The following HSF2BP variants were observed in gnomAD, a reference collection of about 807,000 sequenced individuals.
HSF2BP encodes the protein heat shock transcription factor 2 binding protein.
HSF2BP carries 35 observed loss-of-function variants against 35.0 expected under a neutral mutation model. That is an observed-to-expected ratio of 1.00 (90% CI 0.76 to 1.32). The LOEUF (loss-of-function observed/expected upper bound fraction) is 1.32. HSF2BP is among the 40% of genes most tolerant of loss of function. The probability of loss-of-function intolerance (pLI) is 0.00; values close to 1 mark genes in which losing one functional copy is unlikely to be tolerated. For synonymous variants in HSF2BP, 114 were observed against 117.4 expected, an observed-to-expected ratio of 0.97 and a Z score of 0.18; for missense variants, 326 against 321.7, an observed-to-expected ratio of 1.01 and a Z score of -0.10.
intron 7 of HSF2BP, among the ~76,000 whole-genome samples, chr21:43,606,235 G>A (rs1387066744): frequency 6.6e-6 from 1 of 152,170 alleles, no homozygotes; most frequent in East Asian, 1.9e-4. Context: ...CAGGGTGCTG[G>A]AAACCGGGAG....
chr21:43,642,781 G>A (rs1456528368), intron 4 of HSF2BP, among the ~76,000 whole-genome samples: 1 of 148,156 alleles, frequency 6.7e-6, no homozygotes. Context: ...GCATTTACTG[G>A]AATGGCTTCT....
At chr21:43,631,980 T>TC (rs796849763) in intron 5 of HSF2BP, among the ~76,000 whole-genome samples, 1 of 11,032 alleles carries the variant, frequency 9.1e-5, no homozygotes, top group South Asian at 3.5e-3. Flanking sequence ...CCACACACGC[T>TC]CCCCACACAC....
intron 6 of HSF2BP, among the ~76,000 whole-genome samples, chr21:43,621,530 A>C (rs897174861): frequency 6.7e-6 from 1 of 150,148 alleles, no homozygotes; most frequent in Non-Finnish European, 1.5e-5. Context: ...CTGTCTCAGA[A>C]AAAAAAAAAA....
chr21:43,625,370 C>T (rs985296050), intron 6 of HSF2BP, among the ~76,000 whole-genome samples: 3 of 151,974 alleles, frequency 2.0e-5, no homozygotes, highest in Admixed American at 6.6e-5. Context: ...ATAAAAAAAC[C>T]CCAGCTAAAA....
At chr21:43,577,037 G>A (rs868413355) in intron 8 of HSF2BP, among the ~76,000 whole-genome samples, 2 of 152,222 alleles carry the variant, frequency 1.3e-5, no homozygotes, top group East Asian at 3.9e-4. Context: ...TGATGTCAGC[G>A]ACACCATTCT....
intron 6 of HSF2BP, among the ~76,000 whole-genome samples, chr21:43,615,141 T>C (rs1449298284): frequency 6.6e-6 from 1 of 152,208 alleles, no homozygotes; most frequent in Non-Finnish European, 1.5e-5. Context: ...TTTTCTTTAG[T>C]TGGGTCTGAC....
chr21:43,619,569 G>A (rs1222848138), intron 6 of HSF2BP, among the ~76,000 whole-genome samples: 1 of 152,192 alleles, frequency 6.6e-6, no homozygotes, highest in Non-Finnish European at 1.5e-5. Context: ...TTTCATACCT[G>A]TGACACCCGT....
chr21:43,633,316 C>T lies in HSF2BP; in HGVS notation c.397G>A (p.Gly133Ser). ...MGAAACTLLW[G>S]VSSSEEVVKA... ...ACGACTTCCTCACTGCTGGAGACAC[C>T]CCACAAGAGGGTACACGCTGCTGCT... Residue 133 changes from glycine to serine, a missense_variant, in exon 5 of 9, where the codon GGT (glycine) becomes AGT (serine). Transcript: ENST00000291560. The T allele has an allele frequency of 6.2e-7, 1 of 1,613,968 alleles. No individual in the cohort carries two copies. The highest frequency in any genetic ancestry group is 8.5e-7 in the Non-Finnish European group (1 of 1,179,998).
chr21:43,632,147 A>AACT (rs2082477081), intron 5 of HSF2BP, among the ~76,000 whole-genome samples: 2 of 55,418 alleles, frequency 3.6e-5, no homozygotes, highest in African/African-American at 2.1e-4. Flanking sequence ...TCCCACACAC[A>AACT]CACTCACACA....
Position 43,630,357 on chromosome 21 carries a change from C to A in HSF2BP, c.539G>T (p.Ser180Ile). The part of the protein sequence containing the change: ...GDVQELDSDE[S>I]QFVFALAGIV... Reference sequence around the variant, plus strand: ...TCCAGCCAGAGCGAAAACAAACTGACTTTCATCCGAATCCAGCTCCTGGAC... The same window carrying A: ...TCCAGCCAGAGCGAAAACAAACTGAATTTCATCCGAATCCAGCTCCTGGAC... The change falls in exon 6 of 9, where the codon AGT becomes ATT. Residue 180 changes from serine (S) to isoleucine (I), a missense_variant. Physicochemically the swap from Ser to Ile is moderately radical, Grantham distance 142 (BLOSUM62 -2). Transcript: ENST00000291560. 1.9e-6 allele frequency: 3 copies of A among 1,613,090 alleles called. No individual in the cohort carries two copies. The highest frequency in any genetic ancestry group is 2.5e-6 in the Non-Finnish European group (3 of 1,179,678).
intron 4 of HSF2BP, 82 bp downstream of exon 4, chr21:43,644,207 G>C (rs1433870090): frequency 3.2e-6 from 3 of 948,404 alleles, no homozygotes; most frequent in African/African-American, 1.6e-5. Flanking sequence ...AAAAAATTCA[G>C]TCCCACTGCT....
chr21:43,636,898 A>G (rs1453384604), intron 4 of HSF2BP, among the ~76,000 whole-genome samples: 1 of 135,174 alleles, frequency 7.4e-6, no homozygotes, highest in African/African-American at 3.5e-5. Context: ...TCAAAACAAA[A>G]AAAAAAAAAA....
Position 43,587,365 on chromosome 21 carries a change from G to A in HSF2BP, c.796+4860C>T, listed in dbSNP as rs143806203. On this transcript the variant is annotated intron_variant, in intron 8 of 8. Coordinates refer to ENST00000291560, the MANE Select transcript of HSF2BP (RefSeq NM_007031.2). ...TGAAAGAACCAGTAATTATTTTCACGGATAAGAAAGCCTGGGATGGCCAGG... is the reference window on the plus strand; with the variant it reads ...TGAAAGAACCAGTAATTATTTTCACAGATAAGAAAGCCTGGGATGGCCAGG... 2.8e-4 allele frequency among the ~76,000 whole-genome samples: 42 copies of A among 152,192 alleles called. 1 individual carries two copies. In the East Asian group the frequency reaches 7.5e-3, roughly 27 times the overall value.
At chr21:43,646,000 CT>C (rs1270393408) in intron 3 of HSF2BP, among the ~76,000 whole-genome samples, 1 of 152,004 alleles carries the variant, frequency 6.6e-6, no homozygotes, top group African/African-American at 2.4e-5. Context: ...ATAAAATTGG[CT>C]GGCAAAGCTT....
chr21:43,634,927 A>G (rs567420984), intron 4 of HSF2BP, among the ~76,000 whole-genome samples: 45 of 152,338 alleles, frequency 3.0e-4, no homozygotes, highest in Non-Finnish European at 2.9e-5. Flanking sequence ...AGCTGTCTGC[A>G]TCTCAATTAG....
Position 43,613,961 on chromosome 21 carries a change from T to C in HSF2BP, c.575-14A>G. The C allele has an allele frequency of 3.2e-6, 5 of 1,566,590 alleles. No individual in the cohort carries two copies. Among genetic ancestry groups the C allele is most frequent in the Non-Finnish European group, 4.4e-6 (5 of 1,139,688 alleles). On this transcript the variant is annotated splice_polypyrimidine_tract_variant and intron_variant, in intron 6 of 8. Coordinates refer to ENST00000291560, the MANE Select transcript of HSF2BP (RefSeq NM_007031.2). Reference sequence around the variant, plus strand: ...TAGCAGCAACATCTGCAACAGAAAATGAAACAAAACATCAAGATCATTATG... The same window carrying C: ...TAGCAGCAACATCTGCAACAGAAAACGAAACAAAACATCAAGATCATTATG...
Position 43,644,320 on chromosome 21 carries a change from G to GT in HSF2BP, c.259dup (p.Thr87AsnfsTer22), listed in dbSNP as rs777534492. On this transcript the variant is annotated frameshift_variant, in exon 4 of 9. Coordinates refer to ENST00000291560, the MANE Select transcript of HSF2BP (RefSeq NM_007031.2). LOFTEE classifies it high-confidence loss of function. ...CTCTCTTATGTTGTCGGCCTGCACG[G>GT]TTTCCAGGCGGGCTTTAAAGTGCTC... 6.2e-7 allele frequency: 1 copy of GT among 1,614,092 alleles called. No individual in the cohort carries two copies. Among genetic ancestry groups the GT allele is most frequent in the East Asian group, 2.2e-5 (1 of 44,884 alleles).
At chr21:43,658,396 G>C in intron 1 of HSF2BP, 76 bp from the exon 2 acceptor site, 1 of 434,062 alleles carries the variant, frequency 2.3e-6, no homozygotes, top group Non-Finnish European at 4.1e-6. Flanking sequence ...TTCCTGTTTG[G>C]CGAGGAATGC....
At chr21:43,622,752 G>A (rs1025789107) in intron 6 of HSF2BP, among the ~76,000 whole-genome samples, 1 of 152,048 alleles carries the variant, frequency 6.6e-6, no homozygotes, top group East Asian at 1.9e-4. Flanking sequence ...TCTCAGTAAT[G>A]GCCGGATGGT....
Sources: gnomAD v4.1 joint callset for allele counts (sites outside exome capture counted in the v4.1 genomes callset) on GRCh38, gnomAD v4.1.1 for gene constraint, MANE v1.5 for transcripts, NCBI Gene and HGNC (gene_info 2026-07-23, HGNC 2026-07-21) for gene names.